Variants in BRD10 observed in about 807,000 individuals in gnomAD.
BRD10 encodes the protein uncharacterized bromodomain-containing protein 10.
At chr9:5,954,532 T>C in the BRD10 span, among the ~76,000 whole-genome samples, 3 of 152,194 alleles carry the variant, frequency 2.0e-5, no homozygotes, top group Non-Finnish European at 4.4e-5. Flanking sequence ...CAGCCTAATG[T>C]GAAAATCCCC....
chr9:5,974,909 A>G, the BRD10 span, among the ~76,000 whole-genome samples: 1 of 152,210 alleles, frequency 6.6e-6, no homozygotes, highest in Non-Finnish European at 1.5e-5. Flanking sequence ...TCAGGATCCA[A>G]GTAAAAAATC....
At chr9:5,992,969 T>C in the BRD10 span, among the ~76,000 whole-genome samples, 1 of 152,074 alleles carries the variant, frequency 6.6e-6, no homozygotes, top group African/African-American at 2.4e-5. Context: ...GTGTCACCTA[T>C]AAAAATTCTA....
At chr9:5,922,690 T>A in the BRD10 span, 1 of 1,614,002 alleles carries the variant, frequency 6.2e-7, no homozygotes, top group Non-Finnish European at 8.5e-7. Context: ...GAATAAGAAC[T>A]TGCTGCATGA....
chr9:5,921,851 A>G, the BRD10 span: 884 of 1,614,012 alleles, frequency 5.5e-4, 2 homozygotes, highest in Middle Eastern at 1.3e-3. Flanking sequence ...CACGTGGCCC[A>G]AATCACCACT....
the BRD10 span, among the ~76,000 whole-genome samples, chr9:5,895,319 G>C: frequency 7.9e-5 from 12 of 152,054 alleles, no homozygotes; most frequent in South Asian, 2.5e-3. Context: ...CTCATGAAAA[G>C]TCCCTGCCCC....
the BRD10 span, among the ~76,000 whole-genome samples, chr9:5,885,010 G>C: frequency 6.6e-6 from 1 of 152,164 alleles, no homozygotes; most frequent in African/African-American, 2.4e-5. Context: ...AGGCCAGCAG[G>C]CCACAGCTCT....
the BRD10 span, chr9:5,921,390 G>C: frequency 6.2e-7 from 1 of 1,613,970 alleles, no homozygotes; most frequent in Non-Finnish European, 8.5e-7. Flanking sequence ...TATGCTTTAT[G>C]CAATGGAGGA....
At chr9:5,951,100 T>A in the BRD10 span, among the ~76,000 whole-genome samples, 1 of 144,206 alleles carries the variant, frequency 6.9e-6, no homozygotes. Flanking sequence ...CTGCCACACA[T>A]ACAAATCCAA....
the BRD10 span, chr9:5,968,435 G>A: frequency 6.2e-7 from 1 of 1,612,952 alleles, no homozygotes; most frequent in Non-Finnish European, 8.5e-7. Flanking sequence ...TCCAAAGCCA[G>A]TAACTTCCCC....
At chr9:5,974,896 C>T in the BRD10 span, among the ~76,000 whole-genome samples, 17 of 152,090 alleles carry the variant, frequency 1.1e-4, no homozygotes, top group African/African-American at 2.2e-4. Flanking sequence ...CCTGGACTAG[C>T]GCTCAGGATC....
At chr9:5,962,094 C>T in the BRD10 span, among the ~76,000 whole-genome samples, 3 of 152,044 alleles carry the variant, frequency 2.0e-5, no homozygotes, top group African/African-American at 4.8e-5. Flanking sequence ...TGGATCTTTC[C>T]TGCTTTCTCT....
chr9:5,976,481 A>G, the BRD10 span, among the ~76,000 whole-genome samples: 1 of 152,180 alleles, frequency 6.6e-6, no homozygotes, highest in Non-Finnish European at 1.5e-5. Context: ...TTTGTTTATT[A>G]CTATTCTTGG....
chr9:5,881,841 G>A, the BRD10 span, among the ~76,000 whole-genome samples: 1 of 152,202 alleles, frequency 6.6e-6, no homozygotes, highest in Non-Finnish European at 1.5e-5. Context: ...AGTCACTAGA[G>A]ATGAGATCTG....
chr9:5,920,539 T>C, the BRD10 span: 1 of 1,613,988 alleles, frequency 6.2e-7, no homozygotes, highest in African/African-American at 1.3e-5. Context: ...TATTAGTTAT[T>C]TTACCTGGAC....
the BRD10 span, among the ~76,000 whole-genome samples, chr9:5,956,906 A>C: frequency 6.6e-6 from 1 of 152,124 alleles, no homozygotes; most frequent in Non-Finnish European, 1.5e-5. Context: ...ATAAGTTCTA[A>C]GAAGTGATCC....
At chr9:5,893,686 A>G in the BRD10 span, among the ~76,000 whole-genome samples, 2 of 152,166 alleles carry the variant, frequency 1.3e-5, no homozygotes, top group African/African-American at 4.8e-5. Context: ...ACTCTTTAAA[A>G]TATACTTTTA....
the BRD10 span, among the ~76,000 whole-genome samples, chr9:5,960,195 A>C: frequency 1.3e-5 from 2 of 152,156 alleles, no homozygotes; most frequent in Non-Finnish European, 2.9e-5. Context: ...TTTCACCTAT[A>C]AGAGAATAAG....
the BRD10 span, among the ~76,000 whole-genome samples, chr9:5,901,809 A>G: frequency 1.2e-4 from 19 of 152,338 alleles, no homozygotes; most frequent in African/African-American, 4.1e-4. Context: ...GGCGTGAGCC[A>G]CCACGCCTGG....
At chr9:5,899,279 G>A in the BRD10 span, 91 of 152,330 alleles carry the variant, frequency 6.0e-4, 2 homozygotes, top group African/African-American at 2.0e-3. Flanking sequence ...GAGGGTTGGT[G>A]TGGGGTGGGG....
Sources: allele counts gnomAD v4.1 joint callset (sites outside exome capture counted in the v4.1 genomes callset), GRCh38; gene constraint gnomAD v4.1.1; transcripts MANE v1.5; gene names NCBI Gene and HGNC (gene_info 2026-07-23, HGNC 2026-07-21).